SPAG16: variants seen among roughly 807,000 people sequenced by gnomAD.
The protein encoded by SPAG16 is sperm associated antigen 16, also known as sperm-associated antigen 16 protein.
Under a neutral mutation model 80.4 loss-of-function variants are expected in SPAG16, and 86 were observed. The observed-to-expected ratio is 1.07, with a 90% CI of 0.90 to 1.28. SPAG16 has a LOEUF of 1.28. SPAG16 is among the 50% of genes most tolerant of loss of function. The pLI is 0.00. For synonymous variants in SPAG16, 294 were observed against 265.9 expected (o/e 1.11, Z -1.03); for missense variants, 870 against 765.3 (o/e 1.14, Z -1.61).
intron 15 of SPAG16, among the ~76,000 whole-genome samples, chr2:214,245,507 AT>A (rs1419868887): frequency 1.3e-5 from 2 of 152,230 alleles, no homozygotes; most frequent in Non-Finnish European, 2.9e-5. Context: ...AATCAAAAGA[AT>A]TAATAATATA....
At chr2:213,790,875 C>G (rs1283581530) in intron 10 of SPAG16, among the ~76,000 whole-genome samples, 2 of 152,092 alleles carry the variant, frequency 1.3e-5, no homozygotes, top group African/African-American at 4.8e-5. Flanking sequence ...TCTGCCTGTT[C>G]TGACCTTTGT....
rs747347526 is a variant in SPAG16, at chr2:214,135,725, C to CTG, written c.1594-13414_1594-13413insGT. On this transcript the variant is annotated intron_variant, in intron 14 of 15. Transcript: ENST00000331683. ...TCTCTCTCTCTCTCTGTCTCTCTGT[C>CTG]TCTCTCTCTCTCTCTCTCTCTCTCA... Among the ~76,000 whole-genome samples the CTG allele has an allele frequency of 2.6e-4, 37 of 139,944 alleles. 1 individual carries two copies. The highest frequency in any genetic ancestry group is 4.6e-4 in the Non-Finnish European group (30 of 65,668). 91.8% of individuals were successfully genotyped at this position (139,944 alleles called of 152,430 possible). A position where few individuals can be genotyped will look rare whatever the true frequency, so the allele number is the denominator to read the frequency against.
At chr2:213,419,897 GC>G (rs2125431770) in intron 9 of SPAG16, among the ~76,000 whole-genome samples, 1 of 152,282 alleles carries the variant, frequency 6.6e-6, no homozygotes, top group South Asian at 2.1e-4. Context: ...ACTTTCACAT[GC>G]AAATAGATGC....
chr2:213,344,115 G>C (rs1166739811), intron 6 of SPAG16, among the ~76,000 whole-genome samples: 3 of 152,148 alleles, frequency 2.0e-5, no homozygotes, highest in African/African-American at 4.8e-5. Context: ...GAGGGGTCAT[G>C]ATTCTGCTTT....
intron 10 of SPAG16, among the ~76,000 whole-genome samples, chr2:213,541,929 A>T (rs1234719468): frequency 6.6e-6 from 1 of 152,190 alleles, no homozygotes. Flanking sequence ...GTGGATGGAG[A>T]TACCAACTTT....
intron 5 of SPAG16, among the ~76,000 whole-genome samples, chr2:213,335,822 G>A (rs1287196590): frequency 6.6e-6 from 1 of 151,960 alleles, no homozygotes; most frequent in East Asian, 1.9e-4. Context: ...TACAAAATTG[G>A]CAGTAAAATA....
At chr2:213,982,396 G>A (rs4673798) in intron 12 of SPAG16, among the ~76,000 whole-genome samples, 68,460 of 151,682 alleles carry the variant, frequency 0.45, 16,182 homozygotes, top group South Asian at 0.66. Context: ...CAATTTTACC[G>A]TTCTTACTAA....
chr2:214,388,492 T>C (rs1268871553), intron 15 of SPAG16, among the ~76,000 whole-genome samples: 1 of 152,218 alleles, frequency 6.6e-6, no homozygotes. Flanking sequence ...ATGTTATGTA[T>C]ATGTTTTATG....
intron 2 of SPAG16, 27 bp from the exon 3 acceptor site, chr2:213,297,235 C>G: frequency 6.4e-7 from 1 of 1,557,920 alleles, no homozygotes; most frequent in South Asian, 1.1e-5. Context: ...CTCACTCTTC[C>G]TATCCTTCTC....
chr2:213,980,908 C>CA (rs979012232), intron 12 of SPAG16, among the ~76,000 whole-genome samples: 31 of 148,296 alleles, frequency 2.1e-4, no homozygotes, highest in African/African-American at 5.9e-4. Flanking sequence ...GACTCTGTCT[C>CA]AAAAAAAAAG....
At chr2:213,886,649 A>G (rs2076567062) in intron 11 of SPAG16, among the ~76,000 whole-genome samples, 1 of 152,102 alleles carries the variant, frequency 6.6e-6, no homozygotes, top group Non-Finnish European at 1.5e-5. Context: ...AGTGCCAACA[A>G]ACTTCTGAGG....
In SPAG16 at chr2:213,737,636, C is replaced by T. The variant is rs916874510; in HGVS notation, c.1071-124849C>T. On this transcript the variant is annotated intron_variant, in intron 10 of 15. Transcript: ENST00000331683. ...CCGAGTAGCTGGGACTATAGGCGCC[C>T]GCCACCACGCCCGGCTAATTTTTTT... 2.0e-5 allele frequency among the ~76,000 whole-genome samples: 3 copies of T among 151,912 alleles called. No homozygotes were observed. In the South Asian group the frequency reaches 6.2e-4, roughly 32 times the overall value.
At chr2:213,345,811 G>A (rs1219216141) in intron 6 of SPAG16, among the ~76,000 whole-genome samples, 1 of 152,158 alleles carries the variant, frequency 6.6e-6, no homozygotes, top group East Asian at 1.9e-4. Context: ...AAGTCAGGTA[G>A]CGTGATGCTT....
intron 10 of SPAG16, among the ~76,000 whole-genome samples, chr2:213,694,105 A>T (rs190497332): frequency 6.6e-6 from 1 of 152,140 alleles, no homozygotes; most frequent in Non-Finnish European, 1.5e-5. Context: ...ATGGACTCTC[A>T]TGTAGATTGA....
At chr2:214,387,731 C>T (rs1251687709) in intron 15 of SPAG16, among the ~76,000 whole-genome samples, 1 of 152,128 alleles carries the variant, frequency 6.6e-6, no homozygotes, top group African/African-American at 2.4e-5. Flanking sequence ...TCCTTCTTCA[C>T]AGGGCAGCAG....
Position 214,410,480 on chromosome 2 carries a change from T to TA in SPAG16, c.*172dup, listed in dbSNP as rs1049038059. The TA allele has an allele frequency of 5.5e-5, 29 of 526,892 alleles. No homozygotes were observed. Among genetic ancestry groups the TA allele is most frequent in the Admixed American group, 2.2e-4 (6 of 27,388 alleles). The allele number at this position is 526,892 out of a possible 1,614,324, so 32.6% of individuals were successfully genotyped here. The stretch of plus-strand genomic sequence containing the variant: ...ATTTTAGTGCTCATACTGTTACTAA[T>TA]AAAAAAATAACTTTATGCTCACCCA... On this transcript the variant is annotated 3_prime_UTR_variant, in exon 16 of 16. Transcript: ENST00000331683.
intron 13 of SPAG16, among the ~76,000 whole-genome samples, chr2:214,044,897 A>G (rs1266868039): frequency 6.6e-6 from 1 of 152,202 alleles, no homozygotes; most frequent in Admixed American, 6.5e-5. Flanking sequence ...TTTGAGTTCT[A>G]GCAAGCCTTA....
At chr2:213,536,910 A>G (rs1017220582) in intron 10 of SPAG16, among the ~76,000 whole-genome samples, 5 of 152,014 alleles carry the variant, frequency 3.3e-5, no homozygotes, top group African/African-American at 1.2e-4. Flanking sequence ...CTTGGAACCA[A>G]CCCAAATGTC....
At chr2:214,190,422 C>A (rs2057625383) in intron 15 of SPAG16, among the ~76,000 whole-genome samples, 1 of 152,000 alleles carries the variant, frequency 6.6e-6, no homozygotes, top group Non-Finnish European at 1.5e-5. Flanking sequence ...CGAATATATA[C>A]CCTCATATAA....
Sources: gnomAD v4.1 joint callset for allele counts (sites outside exome capture counted in the v4.1 genomes callset) on GRCh38, gnomAD v4.1.1 for gene constraint, MANE v1.5 for transcripts, NCBI Gene and HGNC (gene_info 2026-07-23, HGNC 2026-07-21) for gene names.